SLC22A4: variants seen among roughly 807,000 people sequenced by gnomAD.
The protein encoded by SLC22A4 is ET transporter.
SLC22A4 carries 39 observed loss-of-function variants against 56.6 expected under a neutral mutation model. The observed-to-expected ratio is 0.69, with a 90% confidence interval of 0.53 to 0.90. The LOEUF (loss-of-function observed/expected upper bound fraction) is 0.90, where lower values mean the gene tolerates loss of function less well. SLC22A4 is among the 40% of genes least tolerant of loss of function. The pLI is 0.00. For synonymous variants in SLC22A4, 241 were observed against 281.4 expected, an observed-to-expected ratio of 0.86 and a Z score of 1.44; for missense variants, 594 against 696.5, an observed-to-expected ratio of 0.85 and a Z score of 1.66.
chr5:132,330,633 G>A (rs1750829051), intron 5 of SLC22A4, among the ~76,000 whole-genome samples: 2 of 152,138 alleles, frequency 1.3e-5, no homozygotes, highest in African/African-American at 4.8e-5. Context: ...GGCTGAGGCA[G>A]GGGAATTGCT....
At chr5:132,310,634 G>A (rs270616) in intron 1 of SLC22A4, among the ~76,000 whole-genome samples, 1,759 of 152,278 alleles carry the variant, frequency 0.012, 33 homozygotes, top group African/African-American at 0.041. Context: ...TGTGTTGGGC[G>A]TTGCCTGTGG....
Position 132,306,427 on chromosome 5 carries a change from ATATATATATATATATAGTT to A in SLC22A4, c.394-5733_394-5715del, listed in dbSNP as rs1419792974. 1.8e-3 allele frequency among the ~76,000 whole-genome samples: 124 copies of A among 69,602 alleles called. 4 individuals are homozygous for A. The highest frequency in any genetic ancestry group is 8.7e-3 in the African/African-American group (124 of 14,272). 45.7% of individuals were successfully genotyped at this position (69,602 alleles called of 152,430 possible). On this transcript the variant is annotated intron_variant, in intron 1 of 9. Transcript: ENST00000200652. Reference sequence around the variant, plus strand: ...TATATATATATATATATATATATATATATATATATATATATAGTTGTTGTTGTTGTTGTTGTTGAGATGG... The same window carrying A: ...TATATATATATATATATATATATATAGTTGTTGTTGTTGTTGTTGAGATGG...
intron 5 of SLC22A4, among the ~76,000 whole-genome samples, chr5:132,328,250 G>A (rs1253160602): frequency 2.0e-5 from 3 of 152,144 alleles, no homozygotes; most frequent in East Asian, 1.9e-4. Flanking sequence ...GGGCATTCCT[G>A]TCTAGGAGAT....
rs201450794 is a variant in SLC22A4, at chr5:132,340,629, C to A, written c.1509C>A (p.Leu503=). ...MGSLTVLIGI[L]TLFFPESLGM... is the part of the protein sequence containing the mutation. ...GTCTGACTGTCCTGATTGGAATCCT[C>A]ACCCTTTTTTTCCCTGAAAGTTTGG... Residue 503 remains leucine (L), a synonymous_variant, in exon 9 of 10, where the codon CTC becomes CTA. Coordinates refer to ENST00000200652, the MANE Select transcript of SLC22A4 (RefSeq NM_003059.3). 74 of 1,613,660 alleles carry A rather than the reference C, an allele frequency of 4.6e-5. No individual in the cohort carries two copies. Among genetic ancestry groups the A allele is most frequent in the Non-Finnish European group, 5.8e-5 (69 of 1,179,698 alleles).
chr5:132,342,196 T>C (rs1751239533), intron 9 of SLC22A4, among the ~76,000 whole-genome samples: 1 of 152,064 alleles, frequency 6.6e-6, no homozygotes, highest in African/African-American at 2.4e-5. Flanking sequence ...GGAGAAAATA[T>C]TTGCTACACA....
intron 4 of SLC22A4, 74 bp from the exon 5 acceptor site, chr5:132,327,203 G>T: frequency 8.5e-7 from 1 of 1,177,004 alleles, no homozygotes; most frequent in Non-Finnish European, 1.2e-6. Flanking sequence ...AAAACTATTT[G>T]GGGGAAACTC....
intron 1 of SLC22A4, 159 bp downstream of exon 1, chr5:132,295,168 T>C (rs778182036): frequency 1.3e-4 from 107 of 855,208 alleles, no homozygotes; most frequent in Non-Finnish European, 1.8e-4. Context: ...CAAGAAAGAA[T>C]AGGACTCACG....
At chr5:132,304,203 A>G (rs1749971195) in intron 1 of SLC22A4, among the ~76,000 whole-genome samples, 1 of 152,254 alleles carries the variant, frequency 6.6e-6, no homozygotes, top group Admixed American at 6.5e-5. Flanking sequence ...GCTTGACGTC[A>G]ACTGGATTAG....
At chr5:132,334,627 A>C in intron 6 of SLC22A4, 91 bp from the exon 7 acceptor site, 1 of 892,520 alleles carries the variant, frequency 1.1e-6, no homozygotes, top group Non-Finnish European at 1.9e-6. Flanking sequence ...GGCTACTTAT[A>C]AGACAGCAAG....
At chr5:132,297,769 AC>A (rs1030746558) in intron 1 of SLC22A4, among the ~76,000 whole-genome samples, 16 of 151,990 alleles carry the variant, frequency 1.1e-4, no homozygotes, top group African/African-American at 3.6e-4. Flanking sequence ...ACATAGTAAG[AC>A]CCCATCTCTA....
chr5:132,302,743 T>A (rs1749933375), intron 1 of SLC22A4, among the ~76,000 whole-genome samples: 1 of 152,212 alleles, frequency 6.6e-6, no homozygotes, highest in Non-Finnish European at 1.5e-5. Flanking sequence ...GGATCCATTG[T>A]CAGGATGCAA....
intron 1 of SLC22A4, 134 bp from the exon 2 acceptor site, chr5:132,312,027 T>C: frequency 1.3e-6 from 1 of 769,334 alleles, no homozygotes; most frequent in Non-Finnish European, 2.4e-6. Context: ...CCTATGCCCT[T>C]TGTACAAAGG....
intron 1 of SLC22A4, among the ~76,000 whole-genome samples, chr5:132,297,166 A>T (rs1224584411): frequency 6.6e-6 from 1 of 152,124 alleles, no homozygotes; most frequent in Non-Finnish European, 1.5e-5. Context: ...AAAAATACAA[A>T]AATTAGCTGG....
intron 1 of SLC22A4, among the ~76,000 whole-genome samples, chr5:132,310,770 GAC>G: frequency 6.6e-6 from 1 of 152,328 alleles, no homozygotes; most frequent in South Asian, 2.1e-4. Context: ...GTACATAGGA[GAC>G]ACTTCTTTCG....
intron 8 of SLC22A4, among the ~76,000 whole-genome samples, chr5:132,340,152 G>A (rs1751169084): frequency 7.0e-6 from 1 of 143,320 alleles, no homozygotes; most frequent in South Asian, 2.3e-4. Context: ...CAAAAGCAGA[G>A]TCATGCCAGA....
chr5:132,294,695 G>T lies in SLC22A4; in HGVS notation c.79G>T (p.Ala27Ser). 1 of 1,614,178 alleles carries T rather than the reference G, an allele frequency of 6.2e-7. No individual in the cohort carries two copies. The highest frequency in any genetic ancestry group is 1.1e-5 in the South Asian group (1 of 91,086). The change falls in exon 1 of 10, where the codon GCC (alanine) becomes TCC (serine). Residue 27 changes from alanine to serine, a missense_variant. Ala to Ser is a moderately conservative substitution (Grantham distance 99). Coordinates refer to ENST00000200652, the MANE Select transcript of SLC22A4 (RefSeq NM_003059.3). This position sits in a 1 kb window ranked among gnomAD's most constrained non-coding sequence, Gnocchi z 5.6. ...GCGCCTCATCTTCTTCCTGCTCAGCGCCAGCATCATCCCCAATGGCTTCAA... is the reference window on the plus strand; with the variant it reads ...GCGCCTCATCTTCTTCCTGCTCAGCTCCAGCATCATCCCCAATGGCTTCAA... ...FQRLIFFLLS[A>S]SIIPNGFNGM...
chr5:132,313,897 T>A (rs2126712890), intron 3 of SLC22A4, 129 bp downstream of exon 3: 1 of 1,000,198 alleles, frequency 1.0e-6, no homozygotes, highest in Non-Finnish European at 1.6e-6. Context: ...GAGGGAGCCG[T>A]AGCCACAGCT....
rs1293659160 is a variant in SLC22A4 at position 132,334,868 on chromosome 5, T to C, written c.1197T>C (p.Tyr399=). 1 of 1,613,958 alleles carries C rather than the reference T, an allele frequency of 6.2e-7. No homozygotes were observed. Among genetic ancestry groups the C allele is most frequent in the Non-Finnish European group, 8.5e-7 (1 of 1,179,818 alleles). The part of the protein sequence containing the change: ...WLLLRTLPRR[Y]IIAAVLFWGG... ...TATTGCGAACCCTGCCCAGGCGTTATATCATAGCTGCAGTACTGTTCTGGG... is the reference window on the plus strand; with the variant it reads ...TATTGCGAACCCTGCCCAGGCGTTACATCATAGCTGCAGTACTGTTCTGGG... The change falls in exon 7 of 10, where the codon TAT becomes TAC. Residue 399 remains tyrosine, a synonymous_variant. Coordinates refer to ENST00000200652, the MANE Select transcript of SLC22A4 (RefSeq NM_003059.3).
Position 132,295,026 on chromosome 5 carries a change from G to T in SLC22A4, c.393+17G>T. The T allele has an allele frequency of 6.3e-7, 1 of 1,598,674 alleles. No homozygotes were observed. Among genetic ancestry groups the T allele is most frequent in the Non-Finnish European group, 8.5e-7 (1 of 1,173,222 alleles). On this transcript the variant is annotated intron_variant, in intron 1 of 9. Transcript: ENST00000200652. ...GTGACCGAGGTGGGTGCCAGGCCGAGACCGTTGACCCGGGAGTGCCTGACC... is the reference window on the plus strand; with the variant it reads ...GTGACCGAGGTGGGTGCCAGGCCGATACCGTTGACCCGGGAGTGCCTGACC...
Sources: gnomAD v4.1 joint callset for allele counts (sites outside exome capture counted in the v4.1 genomes callset) on GRCh38, gnomAD v4.1.1 for gene constraint, Gnocchi (gnomAD v3.1) non-coding constraint, MANE v1.5 for transcripts, NCBI Gene and HGNC (gene_info 2026-07-23, HGNC 2026-07-21) for gene names.